MON2: variants seen among roughly 807,000 people sequenced by gnomAD.
The protein encoded by MON2 is MON2 regulator of endosome-to-Golgi trafficking.
Under a neutral mutation model 208.6 loss-of-function variants are expected in MON2, and 84 were observed. The observed-to-expected ratio is 0.40, with a 90% CI of 0.34 to 0.48. MON2 has a LOEUF of 0.48. MON2 is among the 20% of genes least tolerant of loss of function. The pLI is 0.59. For synonymous variants in MON2, 660 were observed against 694.0 expected, an observed-to-expected ratio of 0.95 and a Z score of 0.77; for missense variants, 1,611 against 2,015.4, an observed-to-expected ratio of 0.80 and a Z score of 3.84.
At chr12:62,562,013 G>A (rs573997684) in intron 26 of MON2, among the ~76,000 whole-genome samples, 1 of 152,228 alleles carries the variant, frequency 6.6e-6, no homozygotes, top group Admixed American at 6.5e-5. Flanking sequence ...CCCTAGTTGT[G>A]TTGTGCAGGA....
At chr12:62,544,291 A>G (rs567186428) in intron 20 of MON2, among the ~76,000 whole-genome samples, 5 of 152,186 alleles carry the variant, frequency 3.3e-5, no homozygotes, top group South Asian at 2.1e-4. Flanking sequence ...CAAAAAATTT[A>G]AAAAATTAGC....
At position 62,506,843 on chromosome 12, in the gene MON2, T is replaced by G. The variant is rs542934658; in HGVS notation, c.790-1443T>G. The stretch of plus-strand genomic sequence containing the variant: ...TTAGGTCAAATGATTTTTGTGATAT[T>G]TTCTTTGTTTATAGCTTCAGTGAAA... On this transcript the variant is annotated intron_variant, in intron 7 of 34. Transcript: ENST00000393630. Among the ~76,000 whole-genome samples the G allele has an allele frequency of 3.3e-5, 5 of 152,306 alleles. No individual in the cohort carries two copies. In the South Asian group the frequency reaches 1.0e-3, roughly 32 times the overall value.
intron 24 of MON2, among the ~76,000 whole-genome samples, chr12:62,554,434 T>C (rs2073878655): frequency 6.6e-6 from 1 of 152,204 alleles, no homozygotes; most frequent in South Asian, 2.1e-4. Context: ...AGCTTGATGC[T>C]GCTGGTTAGT....
intron 19 of MON2, among the ~76,000 whole-genome samples, chr12:62,541,583 A>G (rs1004797662): frequency 2.6e-5 from 4 of 152,192 alleles, no homozygotes; most frequent in Admixed American, 2.6e-4. Flanking sequence ...TTACAGATGA[A>G]AATATGAAAA....
intron 30 of MON2, among the ~76,000 whole-genome samples, chr12:62,574,437 C>T (rs1188283678): frequency 6.6e-6 from 1 of 152,014 alleles, no homozygotes; most frequent in Non-Finnish European, 1.5e-5. Flanking sequence ...AGTGAAGTCG[C>T]ATGTTCATGG....
chr12:62,471,384 A>G (rs1460417421), intron 1 of MON2, among the ~76,000 whole-genome samples: 1 of 152,248 alleles, frequency 6.6e-6, no homozygotes, highest in Non-Finnish European at 1.5e-5. Flanking sequence ...GGGTTTCACC[A>G]TGTTGGCCAG....
At position 62,544,943 on chromosome 12, in the gene MON2, G is replaced by A. The variant is rs768969884; in HGVS notation, c.2512G>A (p.Ala838Thr). 1 of 1,609,108 alleles carries A rather than the reference G, an allele frequency of 6.2e-7. No homozygotes were observed. The highest frequency in any genetic ancestry group is 1.3e-5 in the African/African-American group (1 of 74,724). The change falls in exon 21 of 35, where the codon GCT becomes ACT. Residue 838 changes from alanine (A) to threonine (T), a missense_variant. Transcript: ENST00000393630. ...TCGAATGAGAGAATGGGGAGCAGAA[G>A]CTTTAACTTCTCTTATTAAAGCAGG... ...NSRMREWGAE[A>T]LTSLIKAGLT...
intron 19 of MON2, 63 bp downstream of exon 19, chr12:62,538,568 T>C: frequency 8.9e-7 from 1 of 1,129,438 alleles, no homozygotes; most frequent in Non-Finnish European, 1.3e-6. Flanking sequence ...GTACATCCAT[T>C]ATGATCTTAG....
At chr12:62,524,064 C>T (rs1705461214) in intron 8 of MON2, among the ~76,000 whole-genome samples, 1 of 152,024 alleles carries the variant, frequency 6.6e-6, no homozygotes, top group African/African-American at 2.4e-5. Flanking sequence ...CCTTATTTTT[C>T]TACTATAAAA....
At chr12:62,471,732 A>C (rs2068800505) in intron 1 of MON2, among the ~76,000 whole-genome samples, 1 of 152,252 alleles carries the variant, frequency 6.6e-6, no homozygotes, top group Non-Finnish European at 1.5e-5. Flanking sequence ...GCTGCTGGGC[A>C]GACTGAGGTT....
chr12:62,556,076 T>A lies in MON2; in HGVS notation c.3293T>A (p.Ile1098Asn). Residue 1098 changes from isoleucine (I) to asparagine (N), a missense_variant, in exon 25 of 35, where the codon ATT becomes AAT. By Grantham distance (149) the Ile-to-Asn change is moderately radical. Transcript: ENST00000393630. ...KEKIESGGGN[I>N]LIHHSRDTAE... ...AAGATTGAGTCTGGAGGTGGCAATA[T>A]TCTCATTCATCATTCAAGGGACACC... The A allele has an allele frequency of 6.2e-7, 1 of 1,613,940 alleles. No individual in the cohort carries two copies. Among genetic ancestry groups the A allele is most frequent in the Non-Finnish European group, 8.5e-7 (1 of 1,179,932 alleles).
rs372478971 is a variant in MON2 at position 62,579,017 on chromosome 12, CT to C, written c.4575+514del. 4.4e-3 allele frequency among the ~76,000 whole-genome samples: 675 copies of C among 151,930 alleles called. 5 individuals are homozygous for C. Among genetic ancestry groups the C allele is most frequent in the African/African-American group, 0.016 (643 of 41,442 alleles). On this transcript the variant is annotated intron_variant, in intron 31 of 34. Transcript: ENST00000393630. Reference sequence around the variant, plus strand: ...TTGAGAGGCTGAGGCAGGAGGATTGCTTGAGACCAGGAGTTTGAGACCAGCC... The same window carrying C: ...TTGAGAGGCTGAGGCAGGAGGATTGCTGAGACCAGGAGTTTGAGACCAGCC...
At chr12:62,532,937 A>G (rs930035093) in intron 12 of MON2, among the ~76,000 whole-genome samples, 3 of 152,176 alleles carry the variant, frequency 2.0e-5, no homozygotes, top group Non-Finnish European at 2.9e-5. Flanking sequence ...CCTGTGTATC[A>G]TAGTACAATC....
rs545640747 is a variant in MON2 at position 62,555,047 on chromosome 12, C to T, written c.3211-947C>T. ...TCCTGACCTCGTGATCCGCCCGCCT[C>T]GGCCTCCCAAAGTGCTGGGATTACA... On this transcript the variant is annotated intron_variant, in intron 24 of 34. Transcript: ENST00000393630. 2.8e-4 allele frequency among the ~76,000 whole-genome samples: 43 copies of T among 152,244 alleles called. No individual in the cohort carries two copies. The East Asian group carries it at 6.4e-3, about 23-fold the overall frequency.
intron 8 of MON2, among the ~76,000 whole-genome samples, chr12:62,512,275 C>G (rs931908158): frequency 6.6e-6 from 1 of 152,188 alleles, no homozygotes; most frequent in African/African-American, 2.4e-5. Flanking sequence ...TCCAAAGGCT[C>G]AACTGAGACA....
intron 11 of MON2, among the ~76,000 whole-genome samples, chr12:62,531,429 A>G (rs2072637779): frequency 3.9e-5 from 6 of 152,192 alleles, no homozygotes; most frequent in Admixed American, 3.9e-4. Flanking sequence ...ACTCTTCTGC[A>G]TGTGAATATC....
In MON2 at chr12:62,466,869, T is replaced by C; in HGVS notation, c.-339T>C. 2.2e-6 allele frequency: 1 copy of C among 448,280 alleles called. No individual in the cohort carries two copies. The highest frequency in any genetic ancestry group is 3.9e-6 in the Non-Finnish European group (1 of 253,200). The allele number at this position is 448,280 out of a possible 1,614,324, so 27.8% of individuals were successfully genotyped here. A position where few individuals can be genotyped will look rare whatever the true frequency, so the allele number is the denominator to read the frequency against. Reference sequence around the variant, plus strand: ...GGCGAGTCTTAGGGGCCTGGGGAGCTGGCGCTGAAGCTTCTTGCCAGGTTG... The same window carrying C: ...GGCGAGTCTTAGGGGCCTGGGGAGCCGGCGCTGAAGCTTCTTGCCAGGTTG... On this transcript the variant is annotated 5_prime_UTR_variant, in exon 1 of 35. Transcript: ENST00000393630.
At chr12:62,469,902 ATTTATTTATTTATTTATTTAT>A (rs943905975) in intron 1 of MON2, among the ~76,000 whole-genome samples, 6 of 31,558 alleles carry the variant, frequency 1.9e-4, no homozygotes, top group African/African-American at 6.8e-4. Context: ...TTATTTATTT[ATTTATTTATTTATTTATTTAT>A]TTGAGACAGG....
intron 26 of MON2, 23 bp from the exon 27 acceptor site, chr12:62,565,214 A>G (rs755283344): frequency 5.6e-6 from 9 of 1,606,788 alleles, no homozygotes; most frequent in Non-Finnish European, 7.7e-6. Flanking sequence ...ATGCATTCTA[A>G]TGTTCTTATT....
Sources: gnomAD v4.1 joint callset for allele counts (sites outside exome capture counted in the v4.1 genomes callset) on GRCh38, gnomAD v4.1.1 for gene constraint, MANE v1.5 for transcripts, NCBI Gene and HGNC (gene_info 2026-07-23, HGNC 2026-07-21) for gene names.